SVIL: variants seen among roughly 807,000 people sequenced by gnomAD.
SVIL encodes the protein supervillin.
In SVIL, 101 loss-of-function variants were observed where a neutral mutation model predicts 240.4. The ratio of observed to expected loss-of-function variants is 0.42; its 90% CI spans 0.36 to 0.50. The LOEUF is 0.50. Ranked by LOEUF, SVIL falls within the 20% of genes least tolerant of loss-of-function variation. SVIL has a pLI of 0.01. For missense variants in SVIL, 2,512 were observed against 2,818.7 expected (o/e 0.89, Z 2.46); for synonymous variants, 999 against 1,100.0 (o/e 0.91, Z 1.82).
intron 17 of SVIL, among the ~76,000 whole-genome samples, chr10:29,503,984 T>C (rs554824229): frequency 2.0e-5 from 3 of 152,198 alleles, no homozygotes; most frequent in Non-Finnish European, 4.4e-5. Flanking sequence ...TTGTGTGGTA[T>C]TGATGAAAGA....
intron 30 of SVIL, among the ~76,000 whole-genome samples, chr10:29,473,285 G>A (rs1409469006): frequency 6.6e-6 from 1 of 152,204 alleles, no homozygotes; most frequent in Non-Finnish European, 1.5e-5. Flanking sequence ...ACGAATACAG[G>A]TGATGGGCGT....
chr10:29,530,610 G>A lies in SVIL; in HGVS notation c.2103C>T (p.Phe701=). The change falls in exon 11 of 38, where the codon TTC becomes TTT. Residue 701 remains phenylalanine, a synonymous_variant. Transcript: ENST00000355867. ...KLSVAAKRLL[F]REMEKSFDEQ... ...CAAGCACGTCAGCACAGCTTACCCT[G>A]AAAAGCAACCTCTTGGCGGCGACGC... 1 of 1,614,084 alleles carries A rather than the reference G, an allele frequency of 6.2e-7. No individual in the cohort carries two copies. The highest frequency in any genetic ancestry group is 8.5e-7 in the Non-Finnish European group (1 of 1,180,010).
At chr10:29,728,199 T>C (rs932147989) in intron 1 of SVIL, among the ~76,000 whole-genome samples, 1 of 152,080 alleles carries the variant, frequency 6.6e-6, no homozygotes, top group Non-Finnish European at 1.5e-5. Context: ...GAAATATGAT[T>C]TGAAAAAGAA....
At chr10:29,690,553 C>A (rs1460881750) in intron 1 of SVIL, among the ~76,000 whole-genome samples, 1 of 152,050 alleles carries the variant, frequency 6.6e-6, no homozygotes, top group Non-Finnish European at 1.5e-5. Context: ...ATATGCAATA[C>A]TAGAAGGCCC....
At chr10:29,704,082 C>T (rs1021251760) in intron 1 of SVIL, among the ~76,000 whole-genome samples, 1 of 152,194 alleles carries the variant, frequency 6.6e-6, no homozygotes, top group African/African-American at 2.4e-5. Context: ...GGATTACAGG[C>T]ATGAGCCACT....
intron 2 of SVIL, among the ~76,000 whole-genome samples, chr10:29,671,928 C>CA: frequency 6.6e-6 from 1 of 152,144 alleles, no homozygotes; most frequent in Middle Eastern, 3.2e-3. Flanking sequence ...TTGGGTCAGT[C>CA]TGAATCTCTA....
At position 29,670,139 on chromosome 10, in the gene SVIL, G is replaced by A. The variant is rs147949899; in HGVS notation, c.-300-12071C>T. Among the ~76,000 whole-genome samples, 87 of 151,898 alleles carry A rather than the reference G, an allele frequency of 5.7e-4. 1 individual carries two copies. The East Asian group carries it at 7.4e-3, about 13-fold the overall frequency. ...CAAAAAAAAAAAAGATAAAGAAAAG[G>A]TTAATTTGACCCCAATAGTTTTAAA... On this transcript the variant is annotated intron_variant, in intron 2 of 35. Coordinates refer to the SVIL transcript ENST00000375400.
intron 10 of SVIL, 104 bp from the exon 11 acceptor site, chr10:29,530,772 T>C (rs1162117037): frequency 1.3e-5 from 16 of 1,206,686 alleles, no homozygotes; most frequent in Non-Finnish European, 1.8e-5. Flanking sequence ...AATACAACAA[T>C]AGGTGCACTA....
At chr10:29,467,926 G>A in intron 32 of SVIL, 51 bp from the exon 33 acceptor site, 1 of 1,587,170 alleles carries the variant, frequency 6.3e-7, no homozygotes, top group Non-Finnish European at 8.6e-7. Flanking sequence ...GAGTGCTGGT[G>A]ACCCAAAATT....
Position 29,569,292 on chromosome 10 carries a change from T to C in SVIL, c.-180A>G. 1.0e-6 allele frequency: 1 copy of C among 985,848 alleles called. No homozygotes were observed. Among genetic ancestry groups the C allele is most frequent in the Non-Finnish European group, 1.2e-6 (1 of 829,906 alleles). The allele number at this position is 985,848 out of a possible 1,614,324, so 61.1% of individuals were successfully genotyped here. A position where few individuals can be genotyped will look rare whatever the true frequency, so the allele number is the denominator to read the frequency against. Reference sequence around the variant, plus strand: ...CTTTGACGTGGGAATCCAAGGAAGCTTAAGTTTTTCTTGTTGAAATCTAAG... The same window carrying C: ...CTTTGACGTGGGAATCCAAGGAAGCCTAAGTTTTTCTTGTTGAAATCTAAG... On this transcript the variant is annotated 5_prime_UTR_variant, in exon 2 of 38. Coordinates refer to ENST00000355867, the MANE Select transcript of SVIL (RefSeq NM_021738.3).
chr10:29,597,768 C>A (rs550367956), intron 1 of SVIL, among the ~76,000 whole-genome samples: 25 of 151,930 alleles, frequency 1.6e-4, no homozygotes, highest in Non-Finnish European at 3.2e-4. Flanking sequence ...GCTTGATGCC[C>A]CTCAGTTGAA....
chr10:29,518,519 T>C (rs1393670658), intron 16 of SVIL, among the ~76,000 whole-genome samples: 1 of 152,210 alleles, frequency 6.6e-6, no homozygotes, highest in Non-Finnish European at 1.5e-5. Flanking sequence ...GCTTTTTGTC[T>C]ACAAATGGGG....
chr10:29,731,397 C>CTG (rs751545208), intron 1 of SVIL, among the ~76,000 whole-genome samples: 6 of 152,162 alleles, frequency 3.9e-5, no homozygotes, highest in Admixed American at 6.5e-5. Flanking sequence ...GGCAAGGTAC[C>CTG]CTCCAGCTCC....
At chr10:29,637,560 C>T (rs554392683), upstream of SVIL, among the ~76,000 whole-genome samples, 1 of 152,298 alleles carries the variant, frequency 6.6e-6, no homozygotes, top group African/African-American at 2.4e-5. Context: ...CTACAGTAAT[C>T]AAGACAACAC....
At chr10:29,567,934 G>A (rs7100613) in intron 2 of SVIL, among the ~76,000 whole-genome samples, 2,208 of 151,566 alleles carry the variant, frequency 0.015, 48 homozygotes, top group African/African-American at 0.048. Context: ...GGAGAATGGC[G>A]TGAACCCAGG....
chr10:29,619,835 T>C (rs967779376), intron 1 of SVIL, among the ~76,000 whole-genome samples: 12 of 152,234 alleles, frequency 7.9e-5, no homozygotes, highest in Admixed American at 2.6e-4. Flanking sequence ...AAAAATATTA[T>C]GACAAACTAC....
chr10:29,609,918 C>T (rs542359122), intron 1 of SVIL, among the ~76,000 whole-genome samples: 9 of 152,330 alleles, frequency 5.9e-5, no homozygotes, highest in African/African-American at 1.9e-4. Context: ...AGAACAAGTC[C>T]AGCAGGCATG....
At chr10:29,460,249 G>A (rs1273102111) in intron 36 of SVIL, among the ~76,000 whole-genome samples, 1 of 152,160 alleles carries the variant, frequency 6.6e-6, no homozygotes, top group African/African-American at 2.4e-5. Context: ...TTGATGGACT[G>A]TTGTGATAAA....
intron 1 of SVIL, among the ~76,000 whole-genome samples, chr10:29,731,200 T>C (rs1175290139): frequency 3.3e-5 from 5 of 152,222 alleles, no homozygotes; most frequent in South Asian, 2.1e-4. Flanking sequence ...ACGTCTGTTG[T>C]TTCTGAACTG....
Sources: gnomAD v4.1 joint callset for allele counts (sites outside exome capture counted in the v4.1 genomes callset) on GRCh38, gnomAD v4.1.1 for gene constraint, MANE v1.5 for transcripts, NCBI Gene and HGNC (gene_info 2026-07-23, HGNC 2026-07-21) for gene names.